The following SH3KBP1 variants were observed in gnomAD, a reference collection of about 807,000 sequenced individuals.
SH3KBP1 encodes SH3 domain-containing kinase-binding protein 1.
In SH3KBP1, 8 loss-of-function variants were observed where a neutral mutation model predicts 50.1. The observed-to-expected ratio is 0.16, with a 90% CI of 0.09 to 0.29. The LOEUF is 0.29. Ranked by LOEUF, SH3KBP1 falls within the 10% of genes least tolerant of loss-of-function variation. SH3KBP1 has a pLI of 1.00. For synonymous variants in SH3KBP1, 227 were observed against 218.6 expected, an observed-to-expected ratio of 1.04 and a Z score of -0.34; for missense variants, 377 against 535.2, an observed-to-expected ratio of 0.70 and a Z score of 2.92.
Position 19,862,375 on chromosome X carries a change from A to C in SH3KBP1, c.4+24932T>G, listed in dbSNP as rs182866368. Among the ~76,000 whole-genome samples, 996 of 112,196 alleles carry C rather than the reference A, an allele frequency of 8.9e-3. 15 individuals are homozygous for C. The highest frequency in any genetic ancestry group is 0.03 in the African/African-American group (939 of 30,909). The stretch of plus-strand genomic sequence containing the variant: ...TGGATAGTCTGCCGCTGCAGACCTT[A>C]TCTTCAACATTGTTTTGTCCTTTCT... On this transcript the variant is annotated intron_variant, in intron 1 of 17. Coordinates refer to ENST00000397821, the MANE Select transcript of SH3KBP1 (RefSeq NM_031892.3).
chrX:19,634,085 T>C (rs1304254750), intron 7 of SH3KBP1, among the ~76,000 whole-genome samples: 2 of 85,199 alleles, frequency 2.3e-5, no homozygotes, highest in Non-Finnish European at 4.5e-5. Context: ...TGTGTGTGTG[T>C]GTGTGTGTGT....
intron 1 of SH3KBP1, among the ~76,000 whole-genome samples, chrX:19,849,463 C>T (rs1437807052): frequency 8.2e-5 from 9 of 110,059 alleles, no homozygotes; most frequent in East Asian, 2.9e-4. Flanking sequence ...CTGAGGTGGA[C>T]GGATCACTTG....
chrX:19,811,585 T>A (rs2067209225), intron 2 of SH3KBP1, among the ~76,000 whole-genome samples: 1 of 112,468 alleles, frequency 8.9e-6, no homozygotes. Flanking sequence ...TGTTGTAGTA[T>A]AATCACAACT....
chrX:19,825,045 G>A (rs970917448), intron 2 of SH3KBP1, among the ~76,000 whole-genome samples: 1 of 112,282 alleles, frequency 8.9e-6, no homozygotes. Context: ...TGAGGGCCCC[G>A]TGGATGGGGA....
intron 6 of SH3KBP1, among the ~76,000 whole-genome samples, chrX:19,679,634 T>A (rs1163477491): frequency 9.0e-6 from 1 of 111,616 alleles, no homozygotes; most frequent in African/African-American, 3.3e-5. Context: ...TTTAACCTTT[T>A]ATCAAGGGAA....
intron 6 of SH3KBP1, chrX:19,670,716 T>C: frequency 1.7e-6 from 1 of 572,504 alleles, no homozygotes; most frequent in East Asian, 3.7e-5. Context: ...CTCCCCTCTG[T>C]GGGATCCTAG....
At chrX:19,538,910 T>C (rs1163310805) in intron 16 of SH3KBP1, among the ~76,000 whole-genome samples, 1 of 111,780 alleles carries the variant, frequency 8.9e-6, no homozygotes. Context: ...TTCAATAGGG[T>C]TTTTAATTGC....
intron 1 of SH3KBP1, among the ~76,000 whole-genome samples, chrX:19,860,828 C>G (rs954299901): frequency 9.0e-6 from 1 of 111,224 alleles, no homozygotes; most frequent in Non-Finnish European, 1.9e-5. Flanking sequence ...AAAAAAGGAC[C>G]TTAGTGGAAA....
chrX:19,669,188 A>G (rs2062716360), intron 6 of SH3KBP1, among the ~76,000 whole-genome samples: 1 of 100,665 alleles, frequency 9.9e-6, no homozygotes, highest in African/African-American at 3.6e-5. Flanking sequence ...CTAGTCTCAA[A>G]CTCCTGACCT....
At chrX:19,606,979 G>A (rs2067261374) in intron 9 of SH3KBP1, among the ~76,000 whole-genome samples, 1 of 112,740 alleles carries the variant, frequency 8.9e-6, no homozygotes, top group Admixed American at 9.3e-5. Flanking sequence ...CCAACCTAAT[G>A]GTCTATGGGC....
intron 6 of SH3KBP1, among the ~76,000 whole-genome samples, chrX:19,669,325 A>AATAATTATT (rs780980302): frequency 2.6e-4 from 27 of 102,542 alleles, no homozygotes; most frequent in African/African-American, 9.4e-4. Context: ...TAATAATAAT[A>AATAATTATT]ATTATTATTA....
At chrX:19,602,101 G>A (rs1295800192) in intron 9 of SH3KBP1, among the ~76,000 whole-genome samples, 2 of 110,716 alleles carry the variant, frequency 1.8e-5, no homozygotes, top group African/African-American at 3.3e-5. Context: ...GTGATGCCTT[G>A]ATTCCATGCC....
chrX:19,649,294 A>G (rs1812015196), intron 6 of SH3KBP1, among the ~76,000 whole-genome samples: 1 of 111,737 alleles, frequency 8.9e-6, no homozygotes, highest in South Asian at 3.7e-4. Flanking sequence ...AAACAGACCC[A>G]TTTTGCCATA....
At chrX:19,720,896 G>A (rs1462716243) in intron 3 of SH3KBP1, among the ~76,000 whole-genome samples, 1 of 110,907 alleles carries the variant, frequency 9.0e-6, no homozygotes, top group Non-Finnish European at 1.9e-5. Flanking sequence ...TGTGGGGGTG[G>A]GAGATACACA....
chrX:19,543,187 G>C (rs1374444594), intron 15 of SH3KBP1, among the ~76,000 whole-genome samples: 1 of 111,637 alleles, frequency 9.0e-6, no homozygotes, highest in East Asian at 2.8e-4. Context: ...CAGACGCCTT[G>C]TGAGCAGGGA....
intron 6 of SH3KBP1, among the ~76,000 whole-genome samples, chrX:19,668,935 A>AATATATATATATATATAT (rs56844238): frequency 8.2e-4 from 27 of 32,858 alleles, no homozygotes; most frequent in Non-Finnish European, 1.3e-3. Flanking sequence ...GATTGAGGGT[A>AATATATATATATATATAT]ATATATATAT....
At chrX:19,863,380 A>G (rs1203738149) in intron 1 of SH3KBP1, among the ~76,000 whole-genome samples, 2 of 111,135 alleles carry the variant, frequency 1.8e-5, no homozygotes, top group South Asian at 3.8e-4. Flanking sequence ...GGCTCTCTTC[A>G]TGCCTGCTTA....
Position 19,887,295 on chromosome X carries a change from G to A in SH3KBP1, c.4+12C>T. 4 of 975,893 alleles carry A rather than the reference G, an allele frequency of 4.1e-6. No individual in the cohort carries two copies. Among genetic ancestry groups the A allele is most frequent in the South Asian group, 3.6e-5 (1 of 27,425 alleles). 80.4% of individuals were successfully genotyped at this position (975,893 alleles called of 1,213,427 possible). On this transcript the variant is annotated intron_variant, in intron 1 of 17. Transcript: ENST00000397821. The stretch of plus-strand genomic sequence containing the variant: ...TGAAGTGGACGCCCGGACGCGGGCG[G>A]CCCCCACTCACCCATTGGCGTCGAG...
intron 3 of SH3KBP1, among the ~76,000 whole-genome samples, chrX:19,722,020 C>T (rs1437677216): frequency 9.0e-6 from 1 of 111,018 alleles, no homozygotes; most frequent in African/African-American, 3.3e-5. Flanking sequence ...TTACAGTTTC[C>T]AAGGAAACCC....
Sources: allele counts gnomAD v4.1 joint callset (sites outside exome capture counted in the v4.1 genomes callset), GRCh38; gene constraint gnomAD v4.1.1; transcripts MANE v1.5; gene names NCBI Gene and HGNC (gene_info 2026-07-23, HGNC 2026-07-21).